The following FHIT variants were observed in gnomAD, a reference collection of about 807,000 sequenced individuals.
FHIT encodes bis(5'-adenosyl)-triphosphatase.
Under a neutral mutation model 17.9 loss-of-function variants are expected in FHIT, and 19 were observed. The observed-to-expected ratio is 1.06, with a 90% CI of 0.74 to 1.56. The LOEUF (loss-of-function observed/expected upper bound fraction) is 1.56. Ranked by LOEUF, FHIT falls within the 40% of genes most tolerant of loss-of-function variation. The probability of loss-of-function intolerance (pLI) is 0.00; values close to 1 mark genes in which losing one functional copy is unlikely to be tolerated. For synonymous variants in FHIT, 81 were observed against 69.7 expected (o/e 1.16, Z -0.81); for missense variants, 248 against 189.2 (o/e 1.31, Z -1.82).
intron 1 of FHIT, among the ~76,000 whole-genome samples, chr3:61,250,852 G>A (rs956646404): frequency 6.6e-6 from 1 of 152,130 alleles, no homozygotes; most frequent in African/African-American, 2.4e-5. Flanking sequence ...TCTATACTCC[G>A]GTTTGCTCCT....
chr3:60,049,408 T>A (rs950838576), intron 5 of FHIT, among the ~76,000 whole-genome samples: 108 of 152,146 alleles, frequency 7.1e-4, no homozygotes, highest in African/African-American at 2.5e-3. Context: ...AAAACCTGTA[T>A]CTTAATTATG....
rs746649804 is a variant in FHIT at position 61,036,901 on chromosome 3, G to GTTTTTTTTTTTTTTT, written c.-111+5145_-111+5146insAAAAAAAAAAAAAAA. Among the ~76,000 whole-genome samples, 110 of 70,276 alleles carry GTTTTTTTTTTTTTTT rather than the reference G, an allele frequency of 1.6e-3. 7 individuals carry two copies. Among genetic ancestry groups the GTTTTTTTTTTTTTTT allele is most frequent in the South Asian group, 5.5e-3 (8 of 1,462 alleles). The allele number at this position is 70,276 out of a possible 152,430, so 46.1% of individuals were successfully genotyped here. ...TTCACCTCAAAGATCAGTCTGCTTT[G>GTTTTTTTTTTTTTTT]TTTTTTTTTTTTGTTTGTTTGTTTT... On this transcript the variant is annotated intron_variant, in intron 3 of 9. Transcript: ENST00000492590.
chr3:60,385,949 T>C (rs1190767744), intron 5 of FHIT, among the ~76,000 whole-genome samples: 2 of 152,180 alleles, frequency 1.3e-5, no homozygotes, highest in Non-Finnish European at 2.9e-5. Flanking sequence ...AAGTTGGGAA[T>C]ATCTTTCCTA....
intron 5 of FHIT, among the ~76,000 whole-genome samples, chr3:60,206,125 T>A: frequency 7.6e-6 from 1 of 131,064 alleles, no homozygotes; most frequent in African/African-American, 2.8e-5. Flanking sequence ...ACAGCGAGAC[T>A]CCGTCTCAAA....
At chr3:60,373,776 C>T (rs1404504028) in intron 5 of FHIT, among the ~76,000 whole-genome samples, 2 of 152,152 alleles carry the variant, frequency 1.3e-5, no homozygotes, top group Non-Finnish European at 2.9e-5. Context: ...ACCAGAATGC[C>T]ATTCTTAAAT....
intron 5 of FHIT, among the ~76,000 whole-genome samples, chr3:60,463,884 T>C (rs368904269): frequency 2.0e-5 from 3 of 152,244 alleles, no homozygotes; most frequent in South Asian, 2.1e-4. Flanking sequence ...AGGTTAATGA[T>C]AGCAGCTGTT....
chr3:60,389,303 A>G (rs1004318340), intron 5 of FHIT, among the ~76,000 whole-genome samples: 1 of 151,076 alleles, frequency 6.6e-6, no homozygotes, highest in Non-Finnish European at 1.5e-5. Flanking sequence ...GAGGCTTACT[A>G]CCCTGCATGA....
At chr3:59,766,293 G>A (rs888148817) in intron 8 of FHIT, among the ~76,000 whole-genome samples, 1 of 152,156 alleles carries the variant, frequency 6.6e-6, no homozygotes, top group African/African-American at 2.4e-5. Context: ...TTACAACATC[G>A]GATGACCGCA....
chr3:61,114,269 C>T (rs969321539), intron 2 of FHIT, among the ~76,000 whole-genome samples: 2 of 152,196 alleles, frequency 1.3e-5, no homozygotes, highest in Admixed American at 1.3e-4. Flanking sequence ...TGTTTTCTTA[C>T]CTGGCTCTTA....
chr3:59,894,999 G>A (rs971198945), intron 8 of FHIT, among the ~76,000 whole-genome samples: 4 of 152,192 alleles, frequency 2.6e-5, no homozygotes, highest in African/African-American at 9.7e-5. Flanking sequence ...CTGGAATTAG[G>A]GCAGGGGTTC....
At chr3:60,557,525 A>T (rs1437123485) in intron 4 of FHIT, among the ~76,000 whole-genome samples, 1 of 151,840 alleles carries the variant, frequency 6.6e-6, no homozygotes, top group African/African-American at 2.4e-5. Context: ...AGAGTCCATA[A>T]GGTGGCCATG....
chr3:60,024,917 A>G (rs1700684579), intron 5 of FHIT, among the ~76,000 whole-genome samples: 1 of 152,214 alleles, frequency 6.6e-6, no homozygotes, highest in South Asian at 2.1e-4. Context: ...GCTGAAGGCC[A>G]CTGGGAATAT....
At chr3:60,695,386 A>G (rs1196360628) in intron 4 of FHIT, among the ~76,000 whole-genome samples, 2 of 152,104 alleles carry the variant, frequency 1.3e-5, no homozygotes, top group Non-Finnish European at 2.9e-5. Flanking sequence ...ACAGAGTGAG[A>G]CTCTGTCTCA....
At chr3:61,044,599 C>G (rs939864113) in intron 2 of FHIT, among the ~76,000 whole-genome samples, 5 of 151,972 alleles carry the variant, frequency 3.3e-5, no homozygotes, top group African/African-American at 1.2e-4. Context: ...TCTAGCAATG[C>G]AGGCCAAAAT....
intron 3 of FHIT, among the ~76,000 whole-genome samples, chr3:60,885,154 A>T (rs1054492686): frequency 1.3e-5 from 2 of 152,130 alleles, no homozygotes; most frequent in South Asian, 4.1e-4. Context: ...ATTATAGTTA[A>T]CAATAATTTG....
At chr3:60,262,688 T>C (rs1248822488) in intron 5 of FHIT, among the ~76,000 whole-genome samples, 1 of 151,938 alleles carries the variant, frequency 6.6e-6, no homozygotes, top group African/African-American at 2.4e-5. Flanking sequence ...CCCCTAAAAC[T>C]GCTAGACGCT....
At chr3:61,209,834 G>C (rs1576224386) in intron 1 of FHIT, among the ~76,000 whole-genome samples, 1 of 152,206 alleles carries the variant, frequency 6.6e-6, no homozygotes, top group Non-Finnish European at 1.5e-5. Flanking sequence ...TCTCCATCCA[G>C]CTTTGTTCCA....
At chr3:61,053,647 GC>G (rs1254485842) in intron 2 of FHIT, among the ~76,000 whole-genome samples, 2 of 141,194 alleles carry the variant, frequency 1.4e-5, no homozygotes, top group Non-Finnish European at 3.1e-5. Context: ...GGCAACAAGA[GC>G]AAAACTCCGT....
intron 5 of FHIT, among the ~76,000 whole-genome samples, chr3:60,412,367 A>T (rs1702093427): frequency 6.6e-6 from 1 of 152,138 alleles, no homozygotes; most frequent in Non-Finnish European, 1.5e-5. Flanking sequence ...GAGGACAAAA[A>T]TAAATAAATA....
Sources: gnomAD v4.1 joint callset for allele counts (sites outside exome capture counted in the v4.1 genomes callset) on GRCh38, gnomAD v4.1.1 for gene constraint, MANE v1.5 for transcripts, NCBI Gene and HGNC (gene_info 2026-07-23, HGNC 2026-07-21) for gene names.